PCDHAC1: variants seen among roughly 807,000 people sequenced by gnomAD.
PCDHAC1 encodes protocadherin alpha-C1.
Under a neutral mutation model 60.0 loss-of-function variants are expected in PCDHAC1, and 42 were observed. The observed-to-expected ratio is 0.70, with a 90% CI of 0.55 to 0.90. The LOEUF (loss-of-function observed/expected upper bound fraction) is 0.90. Ranked by LOEUF, PCDHAC1 falls within the 40% of genes least tolerant of loss-of-function variation. PCDHAC1 has a pLI of 0.00. For missense variants in PCDHAC1, 1,160 were observed against 1,222.3 expected (o/e 0.95, Z 0.76); for synonymous variants, 468 against 499.3 (o/e 0.94, Z 0.84).
intron 1 of PCDHAC1, among the ~76,000 whole-genome samples, chr5:140,958,399 T>C (rs1554223458): frequency 6.6e-6 from 1 of 152,178 alleles, no homozygotes; most frequent in African/African-American, 2.4e-5. Flanking sequence ...CATCAAACAT[T>C]ATCACTGATG....
intron 1 of PCDHAC1, among the ~76,000 whole-genome samples, chr5:140,941,183 T>C (rs2092749314): frequency 8.3e-6 from 1 of 120,094 alleles, no homozygotes; most frequent in African/African-American, 3.0e-5. Flanking sequence ...AACATCCTGC[T>C]TCTTTTTTTT....
At chr5:140,943,826 GA>G (rs1186583699) in intron 1 of PCDHAC1, among the ~76,000 whole-genome samples, 5 of 152,198 alleles carry the variant, frequency 3.3e-5, no homozygotes, top group African/African-American at 1.2e-4. Flanking sequence ...AAAATGAGTT[GA>G]TTGAAGTTGT....
chr5:140,969,508 A>C, intron 1 of PCDHAC1: 2 of 1,424,370 alleles, frequency 1.4e-6, no homozygotes, highest in South Asian at 1.5e-5. Context: ...GAAAAATAGC[A>C]CTAAAGAATT....
In PCDHAC1 at chr5:141,010,166, A is replaced by G; in HGVS notation, c.*229A>G. 1 of 1,562,828 alleles carries G rather than the reference A, an allele frequency of 6.4e-7. No homozygotes were observed. The highest frequency in any genetic ancestry group is 8.7e-7 in the Non-Finnish European group (1 of 1,152,678). ...TCTCTCCACTCTGGCTTGTTTTCAG[A>G]ACCTAAAAAGCAGACCCAAGTTTCC... On this transcript the variant is annotated 3_prime_UTR_variant, in exon 4 of 4. Transcript: ENST00000253807.
intron 1 of PCDHAC1, among the ~76,000 whole-genome samples, chr5:140,972,724 C>T (rs953044769): frequency 1.9e-4 from 27 of 140,890 alleles, no homozygotes; most frequent in Non-Finnish European, 3.3e-4. Context: ...AGTGCAGTGG[C>T]GTAATCCCGG....
chr5:140,971,184 A>C (rs1431296656), intron 1 of PCDHAC1, among the ~76,000 whole-genome samples: 1 of 152,188 alleles, frequency 6.6e-6, no homozygotes, highest in African/African-American at 2.4e-5. Context: ...TGTAAGCCGG[A>C]AGCTCAGAGG....
chr5:140,938,215 G>C (rs1270663444), intron 1 of PCDHAC1, among the ~76,000 whole-genome samples: 3 of 152,100 alleles, frequency 2.0e-5, no homozygotes, highest in Non-Finnish European at 4.4e-5. Context: ...CAAAGTGCTG[G>C]GATTACAGGC....
intron 1 of PCDHAC1, among the ~76,000 whole-genome samples, chr5:140,953,309 G>A (rs563699783): frequency 1.3e-5 from 2 of 152,220 alleles, no homozygotes; most frequent in East Asian, 1.9e-4. Flanking sequence ...AGAGATGTGG[G>A]AAGAATTTGA....
At chr5:140,974,827 G>T (rs1356890991) in intron 1 of PCDHAC1, among the ~76,000 whole-genome samples, 1 of 152,182 alleles carries the variant, frequency 6.6e-6, no homozygotes. Context: ...GCAACATAAT[G>T]ATTATTTTAA....
intron 1 of PCDHAC1, among the ~76,000 whole-genome samples, chr5:140,977,658 T>C (rs1332848343): frequency 6.6e-6 from 1 of 152,192 alleles, no homozygotes; most frequent in African/African-American, 2.4e-5. Context: ...TTTGGCTAAT[T>C]CTCTGCATGC....
chr5:141,007,395 CAAAAAAAAAAAAAAAA>C (rs35800918), intron 3 of PCDHAC1, among the ~76,000 whole-genome samples: 1 of 94,866 alleles, frequency 1.1e-5, no homozygotes. Context: ...TACTAAAATA[CAAAAAAAAAAAAAAAA>C]AAAAAAATTA....
At chr5:140,967,214 C>T (rs2096114688) in intron 1 of PCDHAC1, 10 of 1,613,692 alleles carry the variant, frequency 6.2e-6, no homozygotes, top group Non-Finnish European at 8.5e-6. Context: ...GCGTTTCCCG[C>T]GGCCCAACTA....
intron 1 of PCDHAC1, among the ~76,000 whole-genome samples, chr5:140,955,093 G>A (rs1554221774): frequency 6.6e-6 from 1 of 152,118 alleles, no homozygotes; most frequent in African/African-American, 2.4e-5. Flanking sequence ...TAGGTGTGTG[G>A]TGTTATTTCT....
intron 1 of PCDHAC1, among the ~76,000 whole-genome samples, chr5:140,931,278 T>G (rs1488323710): frequency 1.3e-5 from 2 of 152,174 alleles, no homozygotes; most frequent in Non-Finnish European, 2.9e-5. Context: ...TCTTTTATTT[T>G]CATTGCTTTC....
chr5:140,985,289 T>C (rs2097145554), intron 3 of PCDHAC1, among the ~76,000 whole-genome samples: 2 of 152,172 alleles, frequency 1.3e-5, no homozygotes, highest in African/African-American at 4.8e-5. Flanking sequence ...ATCTATGATA[T>C]AGTGTTGGCT....
chr5:140,948,496 A>C (rs1258443825), intron 1 of PCDHAC1, among the ~76,000 whole-genome samples: 1 of 151,522 alleles, frequency 6.6e-6, no homozygotes, highest in African/African-American at 2.4e-5. Context: ...TCTTTCATAG[A>C]CTTTCTATTA....
intron 1 of PCDHAC1, chr5:140,968,891 A>G (rs782512271): frequency 1.5e-5 from 24 of 1,614,060 alleles, no homozygotes; most frequent in South Asian, 1.1e-4. Context: ...CCTTTATCTA[A>G]TAATAGCATT....
chr5:140,965,353 A>C (rs1255008521), intron 1 of PCDHAC1, among the ~76,000 whole-genome samples: 1 of 152,172 alleles, frequency 6.6e-6, no homozygotes, highest in Non-Finnish European at 1.5e-5. Flanking sequence ...TTGCCTCTAT[A>C]GCAGTACAAG....
At position 140,993,767 on chromosome 5, in the gene PCDHAC1, G is replaced by C. The variant is rs115607244; in HGVS notation, c.2581+11204G>C. ...ATACTTGCCATTATATTACAATTGC[G>C]CAGTATTTTGTACAGTAACATGCTG... On this transcript the variant is annotated intron_variant, in intron 3 of 3. Transcript: ENST00000253807. Among the ~76,000 whole-genome samples, 826 of 152,124 alleles carry C rather than the reference G, an allele frequency of 5.4e-3. 11 individuals are homozygous for C. Among genetic ancestry groups the C allele is most frequent in the African/African-American group, 0.018 (749 of 41,482 alleles).
Sources: gnomAD v4.1 joint callset for allele counts (sites outside exome capture counted in the v4.1 genomes callset) on GRCh38, gnomAD v4.1.1 for gene constraint, MANE v1.5 for transcripts, NCBI Gene and HGNC (gene_info 2026-07-23, HGNC 2026-07-21) for gene names.